The following PCDHGB3 variants were observed in gnomAD, a reference collection of about 807,000 sequenced individuals.
The protein encoded by PCDHGB3 is protocadherin gamma subfamily B, 3, also known as protocadherin gamma-B3.
A neutral mutation model predicts 59.2 loss-of-function variants in PCDHGB3; 40 were observed. The ratio of observed to expected loss-of-function variants is 0.68; its 90% CI spans 0.52 to 0.88. The LOEUF is 0.88. Ranked by LOEUF, PCDHGB3 falls within the 40% of genes least tolerant of loss-of-function variation. The pLI is 0.00. For synonymous variants in PCDHGB3, 581 were observed against 503.6 expected (o/e 1.15, Z -2.06); for missense variants, 1,309 against 1,187.9 (o/e 1.10, Z -1.50).
chr5:141,381,555 T>C (rs992456160), intron 1 of PCDHGB3, among the ~76,000 whole-genome samples: 2 of 152,192 alleles, frequency 1.3e-5, no homozygotes, highest in African/African-American at 4.8e-5. Flanking sequence ...TTGAATTGAA[T>C]TGCATAATGA....
intron 1 of PCDHGB3, chr5:141,389,409 A>G: frequency 6.2e-7 from 1 of 1,613,590 alleles, no homozygotes; most frequent in Admixed American, 1.7e-5. Context: ...AAGCGCGGAG[A>G]GCGGGGTGGT....
chr5:141,431,147 G>A lies in PCDHGB3; in HGVS notation c.2415+58338G>A, dbSNP rs1303502732. ...AGAAGTAAGGGACATTAACGACAAT[G>A]CGCCTTACTTTCGTGAAAGTGAATT... On this transcript the variant is annotated intron_variant, in intron 1 of 3. Coordinates refer to ENST00000576222, the MANE Select transcript of PCDHGB3 (RefSeq NM_018924.5). The surrounding 1 kb of genome is among the most constrained non-coding windows in gnomAD (Gnocchi z 4.8). 6.2e-7 allele frequency: 1 copy of A among 1,614,228 alleles called. No homozygotes were observed. The highest frequency in any genetic ancestry group is 1.7e-5 in the Admixed American group (1 of 60,030).
chr5:141,385,067 G>A (rs963028251), intron 1 of PCDHGB3: 3 of 1,614,158 alleles, frequency 1.9e-6, no homozygotes, highest in Non-Finnish European at 2.5e-6. Flanking sequence ...CACAAGTCAC[G>A]CCTGCTGCAG....
chr5:141,395,218 A>G, intron 1 of PCDHGB3: 2 of 1,612,142 alleles, frequency 1.2e-6, no homozygotes, highest in Non-Finnish European at 1.7e-6. Flanking sequence ...GAATATAAGA[A>G]TGAAGCTGAT....
Position 141,370,896 on chromosome 5 carries a change from C to T in PCDHGB3, c.502C>T (p.Gln168Ter). The T allele has an allele frequency of 6.2e-7, 1 of 1,614,040 alleles. No individual in the cohort carries two copies. The highest frequency in any genetic ancestry group is 8.5e-7 in the Non-Finnish European group (1 of 1,179,902). The change falls in exon 1 of 4, where the codon CAG becomes TAG. Residue 168 changes from glutamine to a stop codon, truncating the protein, a stop_gained. Transcript: ENST00000576222. LOFTEE classifies it high-confidence loss of function. ...TCCTGATGTAGGTGTCAATTCGCTG[C>T]AGCAGTACTACCTCAGCCCTGATCC... ...QDPDVGVNSLQQYYLSPDPHF... is the reference protein window; with the variant it reads ...QDPDVGVNSL
At position 141,486,455 on chromosome 5, in the gene PCDHGB3, T is replaced by G; in HGVS notation, c.2416-8352T>G. On this transcript the variant is annotated intron_variant, in intron 1 of 3. Transcript: ENST00000576222. This position sits in a 1 kb window ranked among gnomAD's most constrained non-coding sequence, Gnocchi z 5.0. Reference sequence around the variant, plus strand: ...TAGCTATGACATCATGGTCACTGCTTCTGATGCTGGGAACCCTCCTCTCAG... The same window carrying G: ...TAGCTATGACATCATGGTCACTGCTGCTGATGCTGGGAACCCTCCTCTCAG... 6.2e-7 allele frequency: 1 copy of G among 1,614,066 alleles called. No homozygotes were observed. Among genetic ancestry groups the G allele is most frequent in the Non-Finnish European group, 8.5e-7 (1 of 1,179,892 alleles).
chr5:141,475,739 T>C (rs190533989), intron 1 of PCDHGB3, among the ~76,000 whole-genome samples: 593 of 152,384 alleles, frequency 3.9e-3, no homozygotes, highest in Non-Finnish European at 6.7e-3. Flanking sequence ...TTCCCTAAGG[T>C]AGGTTTCCTA....
At position 141,432,480 on chromosome 5, in the gene PCDHGB3, G is replaced by C; in HGVS notation, c.2415+59671G>C. ...GCCCTCCCCACGGACGGTTCCACTGGCGTGGAGCTGGCTCCCCGCTCCGCA... is the reference window on the plus strand; with the variant it reads ...GCCCTCCCCACGGACGGTTCCACTGCCGTGGAGCTGGCTCCCCGCTCCGCA... On this transcript the variant is annotated intron_variant, in intron 1 of 3. Coordinates refer to ENST00000576222, the MANE Select transcript of PCDHGB3 (RefSeq NM_018924.5). The surrounding 1 kb of genome is among the most constrained non-coding windows in gnomAD (Gnocchi z 6.0). 6 of 1,614,180 alleles carry C rather than the reference G, an allele frequency of 3.7e-6. No homozygotes were observed. Among genetic ancestry groups the C allele is most frequent in the Non-Finnish European group, 5.1e-6 (6 of 1,180,044 alleles).
chr5:141,430,235 G>T (rs1020445956), intron 1 of PCDHGB3, among the ~76,000 whole-genome samples: 3 of 128,670 alleles, frequency 2.3e-5, no homozygotes, highest in Non-Finnish European at 4.7e-5. Context: ...GTCAAAAAGA[G>T]AAACTCCTAG....
chr5:141,486,017 A>C lies in PCDHGB3; in HGVS notation c.2416-8790A>C, dbSNP rs746747518. 1 of 1,614,176 alleles carries C rather than the reference A, an allele frequency of 6.2e-7. No homozygotes were observed. The highest frequency in any genetic ancestry group is 8.5e-7 in the Non-Finnish European group (1 of 1,180,038). ...CAGTGGTAACGTCACCTTTTATTTC[A>C]GTGGTCATACCCCTGATCGTGTAAG... On this transcript the variant is annotated intron_variant, in intron 1 of 3. Coordinates refer to ENST00000576222, the MANE Select transcript of PCDHGB3 (RefSeq NM_018924.5). This position sits in a 1 kb window ranked among gnomAD's most constrained non-coding sequence, Gnocchi z 5.0.
chr5:141,372,431 C>T lies in PCDHGB3; in HGVS notation c.2037C>T (p.Pro679=), dbSNP rs1389799630. ...TACAACCTGACCTTAGCGACCGCCCCACTCCCTCTGACCCTCAGGCGGAGC... is the reference window on the plus strand; with the variant it reads ...TACAACCTGACCTTAGCGACCGCCCTACTCCCTCTGACCCTCAGGCGGAGC... ...QEIQPDLSDR[P]TPSDPQAELQ... Residue 679 remains proline (P), a synonymous_variant, in exon 1 of 4, where the codon CCC becomes CCT. Transcript: ENST00000576222. 1 of 1,614,052 alleles carries T rather than the reference C, an allele frequency of 6.2e-7. No individual in the cohort carries two copies. Among genetic ancestry groups the T allele is most frequent in the East Asian group, 2.2e-5 (1 of 44,882 alleles).
chr5:141,469,731 C>T (rs1332201791), intron 1 of PCDHGB3, among the ~76,000 whole-genome samples: 1 of 152,214 alleles, frequency 6.6e-6, no homozygotes, highest in Non-Finnish European at 1.5e-5. Context: ...ATCATAAATA[C>T]ACACCTCAAA....
At position 141,486,996 on chromosome 5, in the gene PCDHGB3, A is replaced by G; in HGVS notation, c.2416-7811A>G. ...TCAGGTTACAATGCTTGGGTTTCCT[A>G]TCAGCTCCTGGAGGCCCCAGATCCC... On this transcript the variant is annotated intron_variant, in intron 1 of 3. Coordinates refer to ENST00000576222, the MANE Select transcript of PCDHGB3 (RefSeq NM_018924.5). This position sits in a 1 kb window ranked among gnomAD's most constrained non-coding sequence, Gnocchi z 5.0. 6.2e-7 allele frequency: 1 copy of G among 1,614,152 alleles called. No individual in the cohort carries two copies. Among genetic ancestry groups the G allele is most frequent in the Non-Finnish European group, 8.5e-7 (1 of 1,180,032 alleles).
At chr5:141,377,890 C>G (rs1204585448) in intron 1 of PCDHGB3, 1 of 152,090 alleles carries the variant, frequency 6.6e-6, no homozygotes, top group Non-Finnish European at 1.5e-5. Context: ...GATAGGATCC[C>G]CCTCTGTTGC....
intron 1 of PCDHGB3, among the ~76,000 whole-genome samples, chr5:141,406,540 A>C (rs1180847016): frequency 6.6e-6 from 1 of 152,216 alleles, no homozygotes; most frequent in Non-Finnish European, 1.5e-5. Context: ...ACGAAGATTC[A>C]AACTTCAGTT....
intron 1 of PCDHGB3, among the ~76,000 whole-genome samples, chr5:141,401,064 C>T (rs146303449): frequency 1.3e-5 from 2 of 152,226 alleles, no homozygotes; most frequent in East Asian, 3.9e-4. Flanking sequence ...TATATGTTGG[C>T]TGGGTGCAGT....
chr5:141,510,709 CAGTGAGTAAGGAA>C (rs1452833908), intron 3 of PCDHGB3, among the ~76,000 whole-genome samples: 7 of 152,168 alleles, frequency 4.6e-5, no homozygotes, highest in Admixed American at 4.6e-4. Flanking sequence ...CCCAGGATCA[CAGTGAGTAAGGAA>C]AGGAGCTAGG....
In PCDHGB3 at chr5:141,490,462, ACCAG is replaced by A; in HGVS notation, c.2416-4338_2416-4335del. On this transcript the variant is annotated intron_variant, in intron 1 of 3. Coordinates refer to ENST00000576222, the MANE Select transcript of PCDHGB3 (RefSeq NM_018924.5). The surrounding 1 kb of genome is among the most constrained non-coding windows in gnomAD (Gnocchi z 5.4). ...TTCTGAGAACCACTACTCGCTGCTA[ACCAG>A]CCAGCCTTTGGACCGGGAGGCCACA... 1 of 1,614,198 alleles carries A rather than the reference ACCAG, an allele frequency of 6.2e-7. No homozygotes were observed.
chr5:141,437,247 C>T (rs2097870457), intron 1 of PCDHGB3, among the ~76,000 whole-genome samples: 2 of 152,090 alleles, frequency 1.3e-5, no homozygotes, highest in Non-Finnish European at 2.9e-5. Context: ...AAGGACTTTC[C>T]TTGTCTTTTT....
Sources: gnomAD v4.1 joint callset for allele counts (sites outside exome capture counted in the v4.1 genomes callset) on GRCh38, gnomAD v4.1.1 for gene constraint, Gnocchi (gnomAD v3.1) non-coding constraint, MANE v1.5 for transcripts, NCBI Gene and HGNC (gene_info 2026-07-23, HGNC 2026-07-21) for gene names.